Variants in MACROD2 observed in about 807,000 individuals in gnomAD.
MACROD2 encodes ADP-ribose glycohydrolase MACROD2.
Under a neutral mutation model 70.4 loss-of-function variants are expected in MACROD2, and 36 were observed. The observed-to-expected ratio is 0.51, with a 90% confidence interval of 0.39 to 0.68. MACROD2 has a LOEUF of 0.68. Ranked by LOEUF, MACROD2 falls within the 30% of genes least tolerant of loss-of-function variation. The probability of loss-of-function intolerance (pLI) is 0.00; values close to 1 mark genes in which losing one functional copy is unlikely to be tolerated. For synonymous variants in MACROD2, 172 were observed against 178.8 expected (o/e 0.96, Z 0.30); for missense variants, 496 against 538.4 (o/e 0.92, Z 0.78).
At chr20:15,100,651 G>T (rs987628062) in intron 5 of MACROD2, among the ~76,000 whole-genome samples, 5 of 152,148 alleles carry the variant, frequency 3.3e-5, no homozygotes, top group African/African-American at 1.2e-4. Flanking sequence ...TAGTTGGCTA[G>T]GTTTTTTTGT....
At chr20:14,553,127 T>A (rs1157021474) in intron 4 of MACROD2, among the ~76,000 whole-genome samples, 3 of 151,880 alleles carry the variant, frequency 2.0e-5, no homozygotes, top group African/African-American at 7.2e-5. Context: ...TTGTACAAAA[T>A]TTTTTTCTTT....
rs78904968 is a variant in MACROD2, at chr20:15,950,864, G to A, written c.907+13320G>A. 4.9e-3 allele frequency among the ~76,000 whole-genome samples: 750 copies of A among 152,252 alleles called. 2 individuals are homozygous for A. Among genetic ancestry groups the A allele is most frequent in the Non-Finnish European group, 7.7e-3 (525 of 68,008 alleles). ...ATGCTAACATGAATTGAAATGCTCA[G>A]GGGAGATGGAAGTATGGGGCGTTTC... On this transcript the variant is annotated intron_variant, in intron 12 of 17. Coordinates refer to ENST00000684519, the MANE Select transcript of MACROD2 (RefSeq NM_001351661.2).
intron 15 of MACROD2, among the ~76,000 whole-genome samples, chr20:16,006,613 G>C (rs2066791811): frequency 6.6e-6 from 1 of 152,146 alleles, no homozygotes; most frequent in South Asian, 2.1e-4. Context: ...AAATGGAGTG[G>C]AGTAGTGCTT....
chr20:15,313,171 CAA>C (rs994933285), intron 6 of MACROD2, among the ~76,000 whole-genome samples: 4 of 152,118 alleles, frequency 2.6e-5, no homozygotes, highest in East Asian at 3.9e-4. Context: ...GCATAAATTT[CAA>C]AAGTTTTCAC....
chr20:15,797,941 CTT>C (rs2045999913), intron 8 of MACROD2, among the ~76,000 whole-genome samples: 1 of 152,148 alleles, frequency 6.6e-6, no homozygotes, highest in Non-Finnish European at 1.5e-5. Context: ...AAGTCACAGA[CTT>C]TTTCTGTAAA....
chr20:15,131,362 G>A (rs921272857), intron 5 of MACROD2, among the ~76,000 whole-genome samples: 11 of 151,864 alleles, frequency 7.2e-5, no homozygotes, highest in Admixed American at 3.9e-4. Flanking sequence ...GGCAAAAACC[G>A]CAATTACTTT....
At chr20:15,282,443 C>T (rs1222084918) in intron 6 of MACROD2, among the ~76,000 whole-genome samples, 4 of 152,168 alleles carry the variant, frequency 2.6e-5, no homozygotes, top group Admixed American at 1.3e-4. Flanking sequence ...AAACTGAATG[C>T]TTTTAAGAGC....
intron 8 of MACROD2, among the ~76,000 whole-genome samples, chr20:15,628,541 G>A (rs979255686): frequency 9.2e-5 from 14 of 152,358 alleles, no homozygotes; most frequent in Middle Eastern, 3.4e-3. Flanking sequence ...GTACATAATA[G>A]ACTACCCAAG....
At chr20:15,995,299 A>G (rs2066612187) in intron 15 of MACROD2, among the ~76,000 whole-genome samples, 2 of 151,952 alleles carry the variant, frequency 1.3e-5, no homozygotes, top group African/African-American at 4.8e-5. Context: ...GCTCATCCCA[A>G]GCATAGAGCT....
chr20:15,440,684 T>G (rs1362016742), intron 7 of MACROD2, among the ~76,000 whole-genome samples: 1 of 152,212 alleles, frequency 6.6e-6, no homozygotes, highest in East Asian at 1.9e-4. Flanking sequence ...TGACAATCAT[T>G]GCTGTGCATA....
At chr20:15,639,534 G>A (rs539168436) in intron 8 of MACROD2, among the ~76,000 whole-genome samples, 1 of 152,292 alleles carries the variant, frequency 6.6e-6, no homozygotes, top group African/African-American at 2.4e-5. Flanking sequence ...TACGGAAGAA[G>A]CTGCTGTGGC....
chr20:14,911,399 A>G (rs1175674389), intron 5 of MACROD2, among the ~76,000 whole-genome samples: 1 of 151,410 alleles, frequency 6.6e-6, no homozygotes, highest in Non-Finnish European at 1.5e-5. Flanking sequence ...CCTTCTAGAG[A>G]TAGGGTCTTG....
intron 8 of MACROD2, among the ~76,000 whole-genome samples, chr20:15,575,762 G>A (rs1017801742): frequency 2.6e-5 from 4 of 152,070 alleles, no homozygotes; most frequent in African/African-American, 9.7e-5. Flanking sequence ...TTCACAGACT[G>A]GGCACATCCA....
intron 15 of MACROD2, among the ~76,000 whole-genome samples, chr20:15,990,680 A>G (rs1342449096): frequency 1.3e-5 from 2 of 152,202 alleles, no homozygotes; most frequent in African/African-American, 2.4e-5. Context: ...CAAGCCAGTG[A>G]CAAGTGTAAA....
At chr20:15,742,813 A>T (rs1392965862) in intron 8 of MACROD2, among the ~76,000 whole-genome samples, 1 of 152,230 alleles carries the variant, frequency 6.6e-6, no homozygotes, top group African/African-American at 2.4e-5. Context: ...CATTCATTTC[A>T]ATGAGAATGC....
At chr20:15,713,989 A>ACACATG (rs1555868671) in intron 8 of MACROD2, among the ~76,000 whole-genome samples, 1 of 99,020 alleles carries the variant, frequency 1.0e-5, no homozygotes, top group Non-Finnish European at 1.8e-5. Context: ...ACACATATGC[A>ACACATG]CACACACACA....
chr20:15,636,074 AAG>A (rs1332324318), intron 8 of MACROD2, among the ~76,000 whole-genome samples: 12 of 133,158 alleles, frequency 9.0e-5, no homozygotes, highest in African/African-American at 2.9e-4. Context: ...TCCCTCTCAA[AAG>A]AAAAAAAAAA....
chr20:14,556,648 T>G (rs1342953984), intron 4 of MACROD2, among the ~76,000 whole-genome samples: 1 of 152,044 alleles, frequency 6.6e-6, no homozygotes, highest in Non-Finnish European at 1.5e-5. Flanking sequence ...TTGATACTGT[T>G]AGACTTGATG....
At chr20:14,859,763 T>G (rs1042939511) in intron 5 of MACROD2, among the ~76,000 whole-genome samples, 2 of 152,190 alleles carry the variant, frequency 1.3e-5, no homozygotes, top group African/African-American at 4.8e-5. Context: ...TAGTTAGCTC[T>G]GTAAATATCA....
Sources: allele counts gnomAD v4.1 joint callset (sites outside exome capture counted in the v4.1 genomes callset), GRCh38; gene constraint gnomAD v4.1.1; transcripts MANE v1.5; gene names NCBI Gene and HGNC (gene_info 2026-07-23, HGNC 2026-07-21).